The following ATP6V0D1 variants were observed in gnomAD, a reference collection of about 807,000 sequenced individuals.
ATP6V0D1 encodes ATPase H+ transporting V0 subunit d1.
A neutral mutation model predicts 39.0 loss-of-function variants in ATP6V0D1; 13 were observed. The ratio of observed to expected loss-of-function variants is 0.33; its 90% CI spans 0.22 to 0.53. ATP6V0D1 has a LOEUF of 0.53. ATP6V0D1 is among the 20% of genes least tolerant of loss of function. ATP6V0D1 has a pLI of 0.94. For synonymous variants in ATP6V0D1, 191 were observed against 191.2 expected, an observed-to-expected ratio of 1.00 and a Z score of 0.01; for missense variants, 272 against 470.9, an observed-to-expected ratio of 0.58 and a Z score of 3.91.
At chr16:67,477,070 T>A (rs1597585809) in intron 1 of ATP6V0D1, among the ~76,000 whole-genome samples, 11 of 112,066 alleles carry the variant, frequency 9.8e-5, no homozygotes, top group East Asian at 2.4e-4. Context: ...ACCTATTAAG[T>A]ATTTACAAAA....
chr16:67,468,168 G>A (rs192946511), intron 1 of ATP6V0D1, among the ~76,000 whole-genome samples: 3 of 152,130 alleles, frequency 2.0e-5, no homozygotes, highest in Non-Finnish European at 1.5e-5. Flanking sequence ...ACACATGCCT[G>A]TACTCCCAGC....
intron 1 of ATP6V0D1, among the ~76,000 whole-genome samples, chr16:67,476,034 A>G (rs1401452980): frequency 6.6e-6 from 1 of 152,182 alleles, no homozygotes; most frequent in Non-Finnish European, 1.5e-5. Flanking sequence ...GTTCAAGACC[A>G]GCCTGGCTAA....
intron 1 of ATP6V0D1, among the ~76,000 whole-genome samples, chr16:67,470,352 A>G (rs574434512): frequency 6.6e-6 from 1 of 152,356 alleles, no homozygotes; most frequent in African/African-American, 2.4e-5. Context: ...AAAAGAAAAC[A>G]AGAAAACAAA....
Position 67,449,211 on chromosome 16 carries a change from G to A in ATP6V0D1, c.302+4333C>T, listed in dbSNP as rs533740879. Among the ~76,000 whole-genome samples the A allele has an allele frequency of 4.6e-5, 7 of 152,334 alleles. No homozygotes were observed. The South Asian group carries it at 6.2e-4, about 14-fold the overall frequency. On this transcript the variant is annotated intron_variant, in intron 2 of 7. Transcript: ENST00000290949. The stretch of plus-strand genomic sequence containing the variant: ...CCCCCAGGTGGTGCAGGTTACCCAT[G>A]CCCAGGCTCTGCCAATGGGCACCTG...
chr16:67,459,586 A>C (rs1228754282), intron 1 of ATP6V0D1, among the ~76,000 whole-genome samples: 1 of 152,262 alleles, frequency 6.6e-6, no homozygotes, highest in Non-Finnish European at 1.5e-5. Context: ...TGTGTGACAA[A>C]GTATGGGCTT....
intron 1 of ATP6V0D1, among the ~76,000 whole-genome samples, chr16:67,458,055 A>G (rs762655292): frequency 1.8e-4 from 27 of 152,178 alleles, no homozygotes; most frequent in Non-Finnish European, 3.1e-4. Context: ...GCCAGCCAAG[A>G]AGGCGACTTA....
In ATP6V0D1 at chr16:67,481,029, C is replaced by G. The variant is rs2041470501; in HGVS notation, c.58G>C (p.Val20Leu). The change falls in exon 1 of 8, where the codon GTG becomes CTG. Residue 20 changes from valine to leucine, a missense_variant. Val to Leu is a conservative substitution (Grantham distance 32). Around this residue, in one of 4 missense-constraint regions of ATP6V0D1, gnomAD observed 81 missense variants for 96.0 expected, o/e 0.84. Coordinates refer to ENST00000290949, the MANE Select transcript of ATP6V0D1 (RefSeq NM_004691.5). ...AGCACCCCGGCCTTCAGGCCGCGCA[C>G]CAGTCCCTCCAAGTAGCCATTGTCC... ...NVDNGYLEGL[V>L]RGLKAGVLSQ... 3 of 1,614,092 alleles carry G rather than the reference C, an allele frequency of 1.9e-6. No individual in the cohort carries two copies. The highest frequency in any genetic ancestry group is 1.3e-5 in the African/African-American group (1 of 74,950).
chr16:67,477,504 C>A (rs1312642013), intron 1 of ATP6V0D1, among the ~76,000 whole-genome samples: 1 of 152,046 alleles, frequency 6.6e-6, no homozygotes, highest in East Asian at 1.9e-4. Context: ...CTGGGACTTA[C>A]TTCTGAATAA....
intron 1 of ATP6V0D1, among the ~76,000 whole-genome samples, chr16:67,472,730 C>A (rs774251640): frequency 6.6e-6 from 1 of 152,014 alleles, no homozygotes; most frequent in Non-Finnish European, 1.5e-5. Context: ...ATTTGCCGGG[C>A]GTGGTGGCGG....
At chr16:67,458,617 C>A (rs565208154) in intron 1 of ATP6V0D1, among the ~76,000 whole-genome samples, 5 of 152,324 alleles carry the variant, frequency 3.3e-5, no homozygotes, top group South Asian at 4.2e-4. Flanking sequence ...CATGGCCCAA[C>A]AACAGGAATG....
chr16:67,472,733 G>T lies in ATP6V0D1; in HGVS notation c.130+8224C>A, dbSNP rs567405442. Among the ~76,000 whole-genome samples, 24 of 152,216 alleles carry T rather than the reference G, an allele frequency of 1.6e-4. No homozygotes were observed. In the Middle Eastern group the frequency reaches 0.014, roughly 86 times the overall value. On this transcript the variant is annotated intron_variant, in intron 1 of 7. Coordinates refer to ENST00000290949, the MANE Select transcript of ATP6V0D1 (RefSeq NM_004691.5). ...AAAATACAAAAAATTTGCCGGGCGT[G>T]GTGGCGGGTGCCTGTAGTGCCAGCT...
At chr16:67,462,701 G>A (rs920996994) in intron 1 of ATP6V0D1, among the ~76,000 whole-genome samples, 3 of 152,128 alleles carry the variant, frequency 2.0e-5, no homozygotes, top group Admixed American at 2.0e-4. Context: ...AGTGGTACAT[G>A]CCTGTAGTCT....
At position 67,438,473 on chromosome 16, in the gene ATP6V0D1, GCA is replaced by G. The variant is rs145078546; in HGVS notation, c.*53_*54del. ...CATACACACACACGCACACACACGC[GCA>G]CACACACACACACACACACAAAGAG... On this transcript the variant is annotated 3_prime_UTR_variant, in exon 8 of 8. Transcript: ENST00000290949. The G allele has an allele frequency of 0.05, 47,770 of 952,862 alleles. 1 individual carries two copies. The highest frequency in any genetic ancestry group is 0.071 in the South Asian group (2,867 of 40,266). The allele number at this position is 952,862 out of a possible 1,614,324, so 59.0% of individuals were successfully genotyped here.
Position 67,444,772 on chromosome 16 carries a change from C to G in ATP6V0D1, c.303-66G>C. 7.0e-7 allele frequency: 1 copy of G among 1,429,426 alleles called. No individual in the cohort carries two copies. Among genetic ancestry groups the G allele is most frequent in the South Asian group, 1.3e-5 (1 of 74,196 alleles). 88.5% of individuals were successfully genotyped at this position (1,429,426 alleles called of 1,614,324 possible). On this transcript the variant is annotated intron_variant, in intron 2 of 7. Transcript: ENST00000290949. This position sits in a 1 kb window ranked among gnomAD's most constrained non-coding sequence, Gnocchi z 4.8. ...GGGCCGGGAAGTCCTGGCATAGCAC[C>G]ATGCCCTCGCCCGCCTGCACAGGCC... is the stretch of plus-strand genomic sequence containing the variant.
At chr16:67,479,325 T>G (rs2041443441) in intron 1 of ATP6V0D1, among the ~76,000 whole-genome samples, 1 of 151,150 alleles carries the variant, frequency 6.6e-6, no homozygotes, top group Admixed American at 6.6e-5. Flanking sequence ...GCAATTCTCC[T>G]GCCTCAGTCT....
At chr16:67,466,227 T>G (rs1251300450) in intron 1 of ATP6V0D1, among the ~76,000 whole-genome samples, 2 of 151,914 alleles carry the variant, frequency 1.3e-5, no homozygotes, top group African/African-American at 4.8e-5. Flanking sequence ...ACGCCTGTAA[T>G]CCCAGCACTT....
Position 67,447,201 on chromosome 16 carries a change from C to A in ATP6V0D1, c.303-2495G>T, listed in dbSNP as rs1392847397. On this transcript the variant is annotated intron_variant, in intron 2 of 7. Transcript: ENST00000290949. The surrounding 1 kb of genome is among the most constrained non-coding windows in gnomAD (Gnocchi z 4.1). Reference sequence around the variant, plus strand: ...AGCCCCTTCAAGGCCCTCTTCAAACCCAAGCCAGGCCAATCGTGGGCGATC... The same window carrying A: ...AGCCCCTTCAAGGCCCTCTTCAAACACAAGCCAGGCCAATCGTGGGCGATC... Among the ~76,000 whole-genome samples the A allele has an allele frequency of 6.6e-6, 1 of 152,248 alleles. No homozygotes were observed. Among genetic ancestry groups the A allele is most frequent in the East Asian group, 1.9e-4 (1 of 5,202 alleles).
chr16:67,459,566 T>C (rs2041272746), intron 1 of ATP6V0D1, among the ~76,000 whole-genome samples: 1 of 152,222 alleles, frequency 6.6e-6, no homozygotes, highest in Non-Finnish European at 1.5e-5. Flanking sequence ...GCCCAGTGCT[T>C]TCTGCTCTCT....
At chr16:67,446,930 G>A (rs958923061) in intron 2 of ATP6V0D1, among the ~76,000 whole-genome samples, 5 of 152,042 alleles carry the variant, frequency 3.3e-5, no homozygotes, top group Non-Finnish European at 7.4e-5. Flanking sequence ...CCAGCACCAG[G>A]CCCTAACACA....
Sources: gnomAD v4.1 joint callset for allele counts (sites outside exome capture counted in the v4.1 genomes callset) on GRCh38, gnomAD v4.1.1 for gene constraint, gnomAD v4.1.1 regional missense constraint, Gnocchi (gnomAD v3.1) non-coding constraint, MANE v1.5 for transcripts, NCBI Gene and HGNC (gene_info 2026-07-23, HGNC 2026-07-21) for gene names.